Variants in SUGCT observed in about 807,000 individuals in gnomAD.
SUGCT encodes succinyl-CoA:glutarate CoA-transferase.
A neutral mutation model predicts 55.0 loss-of-function variants in SUGCT; 41 were observed. The observed-to-expected ratio is 0.74, with a 90% CI of 0.58 to 0.97. The LOEUF (loss-of-function observed/expected upper bound fraction) is 0.97. SUGCT is among the 50% of genes least tolerant of loss of function. The pLI is 0.00. For synonymous variants in SUGCT, 187 were observed against 200.4 expected (o/e 0.93, Z 0.56); for missense variants, 568 against 547.8 (o/e 1.04, Z -0.37).
intron 6 of SUGCT, among the ~76,000 whole-genome samples, chr7:40,229,825 A>AT (rs891926178): frequency 6.6e-6 from 1 of 151,984 alleles, no homozygotes. Context: ...AAAAAAAAAA[A>AT]AAAAAAGCAT....
chr7:40,933,088 G>A, the SUGCT span, among the ~76,000 whole-genome samples: 866 of 152,176 alleles, frequency 5.7e-3, 8 homozygotes, highest in African/African-American at 0.02. Flanking sequence ...TCCTTTCCAT[G>A]TTTAGTGCTT....
intron 12 of SUGCT, among the ~76,000 whole-genome samples, chr7:40,613,174 T>A (rs1798842404): frequency 6.6e-6 from 1 of 152,056 alleles, no homozygotes; most frequent in South Asian, 2.1e-4. Flanking sequence ...TACTCTTATA[T>A]GCCAGACTCC....
At chr7:40,202,134 G>A (rs1318199062) in intron 6 of SUGCT, among the ~76,000 whole-genome samples, 1 of 152,128 alleles carries the variant, frequency 6.6e-6, no homozygotes, top group East Asian at 1.9e-4. Flanking sequence ...CACCACGCCC[G>A]GATAGTTTTT....
chr7:40,916,570 C>A, the SUGCT span, among the ~76,000 whole-genome samples: 22 of 152,108 alleles, frequency 1.4e-4, no homozygotes, highest in Non-Finnish European at 4.4e-5. Flanking sequence ...GTAATAGCAT[C>A]CTATCATAAC....
rs532014335 is a variant in SUGCT, at chr7:40,383,108, G to T, written c.817-66179G>T. Among the ~76,000 whole-genome samples, 10 of 152,118 alleles carry T rather than the reference G, an allele frequency of 6.6e-5. No homozygotes were observed. In the South Asian group the frequency reaches 2.1e-3, roughly 32 times the overall value. On this transcript the variant is annotated intron_variant, in intron 9 of 13. Transcript: ENST00000335693. ...GATTTGATGTAGTCATGGCCCTCTG[G>T]GAAAGTTCTCTGTGAAAGTGATGAA...
intron 12 of SUGCT, among the ~76,000 whole-genome samples, chr7:40,528,926 G>A (rs1458033553): frequency 1.3e-5 from 2 of 152,140 alleles, no homozygotes; most frequent in East Asian, 1.9e-4. Context: ...GTTTGCAAAA[G>A]CCATGCTTTT....
At chr7:40,954,671 G>T in the SUGCT span, among the ~76,000 whole-genome samples, 1 of 152,154 alleles carries the variant, frequency 6.6e-6, no homozygotes, top group Admixed American at 6.5e-5. Context: ...TTTGGCTTTT[G>T]TTGCCATTGG....
intron 13 of SUGCT, among the ~76,000 whole-genome samples, chr7:40,751,867 A>T (rs986523561): frequency 6.6e-6 from 1 of 152,238 alleles, no homozygotes; most frequent in African/African-American, 2.4e-5. Context: ...GAATGAACTC[A>T]TTGGAGGTAA....
At chr7:40,457,123 T>A (rs1789532990) in intron 10 of SUGCT, among the ~76,000 whole-genome samples, 1 of 152,110 alleles carries the variant, frequency 6.6e-6, no homozygotes, top group African/African-American at 2.4e-5. Context: ...CCCTCCTTTC[T>A]TTTTTGTACC....
the SUGCT span, among the ~76,000 whole-genome samples, chr7:40,972,692 G>A: frequency 4.9e-3 from 750 of 152,286 alleles, 5 homozygotes; most frequent in African/African-American, 0.017. Flanking sequence ...GTAAAGAGTG[G>A]TAAAGGATGC....
At chr7:40,316,364 CTT>C (rs1221111535) in intron 8 of SUGCT, among the ~76,000 whole-genome samples, 6 of 152,046 alleles carry the variant, frequency 3.9e-5, no homozygotes, top group African/African-American at 1.4e-4. Context: ...CACAGGCTCT[CTT>C]TGTGTTATCT....
At chr7:40,740,571 T>C (rs950377918) in intron 12 of SUGCT, among the ~76,000 whole-genome samples, 11 of 150,712 alleles carry the variant, frequency 7.3e-5, no homozygotes, top group Non-Finnish European at 1.6e-4. Context: ...TTATTTTTAT[T>C]ATTATTTTTT....
chr7:40,195,549 T>G (rs1166774847), intron 6 of SUGCT, among the ~76,000 whole-genome samples: 1 of 151,920 alleles, frequency 6.6e-6, no homozygotes, highest in Admixed American at 6.6e-5. Context: ...TAAGAAACAT[T>G]AACCTAAATG....
chr7:40,437,395 G>A (rs1250518537), intron 9 of SUGCT, among the ~76,000 whole-genome samples: 1 of 152,154 alleles, frequency 6.6e-6, no homozygotes, highest in African/African-American at 2.4e-5. Flanking sequence ...AGTATATAAT[G>A]TTGCTTTCAA....
chr7:40,149,227 C>T (rs569716635), intron 1 of SUGCT, among the ~76,000 whole-genome samples: 233 of 152,248 alleles, frequency 1.5e-3, no homozygotes, highest in Non-Finnish European at 2.2e-3. Flanking sequence ...GATTTTTATA[C>T]ATGTAGCTAG....
At chr7:40,320,107 ATT>A (rs1041014032) in intron 9 of SUGCT, among the ~76,000 whole-genome samples, 1 of 92,134 alleles carries the variant, frequency 1.1e-5, no homozygotes. Flanking sequence ...ATATTTGTTA[ATT>A]TTTTGTTTTT....
chr7:40,661,681 A>G (rs1191641196), intron 12 of SUGCT, among the ~76,000 whole-genome samples: 1 of 152,174 alleles, frequency 6.6e-6, no homozygotes, highest in Non-Finnish European at 1.5e-5. Context: ...ATGTCTTGTC[A>G]GTGCCAATAG....
intron 8 of SUGCT, among the ~76,000 whole-genome samples, chr7:40,290,483 A>G (rs1013328851): frequency 1.3e-5 from 2 of 152,192 alleles, no homozygotes; most frequent in African/African-American, 4.8e-5. Flanking sequence ...TCCCTTCCTT[A>G]CACCTTATAC....
intron 13 of SUGCT, among the ~76,000 whole-genome samples, chr7:40,813,280 G>T (rs1318967278): frequency 6.6e-6 from 1 of 152,036 alleles, no homozygotes; most frequent in Non-Finnish European, 1.5e-5. Context: ...TTTCTGCCTT[G>T]ATTATTTGTC....
Sources: allele counts gnomAD v4.1 joint callset (sites outside exome capture counted in the v4.1 genomes callset), GRCh38; gene constraint gnomAD v4.1.1; transcripts MANE v1.5; gene names NCBI Gene and HGNC (gene_info 2026-07-23, HGNC 2026-07-21).